The following WDR70 variants were observed in gnomAD, a reference collection of about 807,000 sequenced individuals.
The protein encoded by WDR70 is WD repeat-containing protein 70.
WDR70 carries 53 observed loss-of-function variants against 88.6 expected under a neutral mutation model. The observed-to-expected ratio is 0.60, with a 90% CI of 0.48 to 0.75. WDR70 has a LOEUF of 0.75. Ranked by LOEUF, WDR70 falls within the 30% of genes least tolerant of loss-of-function variation. The pLI is 0.00. For synonymous variants in WDR70, 280 were observed against 270.0 expected (o/e 1.04, Z -0.36); for missense variants, 610 against 823.2 (o/e 0.74, Z 3.17).
intron 7 of WDR70, among the ~76,000 whole-genome samples, chr5:37,445,925 G>A (rs561859136): frequency 1.2e-3 from 181 of 152,234 alleles, no homozygotes; most frequent in African/African-American, 4.1e-3. Context: ...ACATAGTGTC[G>A]GAAGTTCTGG....
intron 10 of WDR70, among the ~76,000 whole-genome samples, chr5:37,624,108 A>G (rs375711518): frequency 2.6e-5 from 4 of 152,160 alleles, no homozygotes; most frequent in East Asian, 1.9e-4. Context: ...ATTGTTAACT[A>G]TAGTCATTCT....
At chr5:37,750,497 G>A (rs1034977020) in intron 17 of WDR70, among the ~76,000 whole-genome samples, 1 of 152,176 alleles carries the variant, frequency 6.6e-6, no homozygotes, top group African/African-American at 2.4e-5. Context: ...TTGTGCCACT[G>A]CACTCTAGCC....
At chr5:37,594,436 C>T (rs1743638554) in intron 9 of WDR70, among the ~76,000 whole-genome samples, 2 of 152,118 alleles carry the variant, frequency 1.3e-5, no homozygotes, top group Admixed American at 6.6e-5. Context: ...TCAGGTTTGT[C>T]AAAGATCAGA....
intron 16 of WDR70, among the ~76,000 whole-genome samples, chr5:37,726,147 T>C (rs1023729178): frequency 3.3e-5 from 5 of 152,210 alleles, no homozygotes; most frequent in African/African-American, 1.2e-4. Flanking sequence ...CACCTGAGCC[T>C]GAAGTGCTAT....
chr5:37,479,105 T>G (rs1739575454), intron 7 of WDR70, among the ~76,000 whole-genome samples: 1 of 152,066 alleles, frequency 6.6e-6, no homozygotes, highest in Non-Finnish European at 1.5e-5. Context: ...TTCCATGGAC[T>G]GGAAGAGGTT....
At chr5:37,550,998 A>G (rs950876954) in intron 9 of WDR70, among the ~76,000 whole-genome samples, 1 of 152,212 alleles carries the variant, frequency 6.6e-6, no homozygotes, top group Non-Finnish European at 1.5e-5. Flanking sequence ...ATCAACAAAC[A>G]AGCAAAAGAA....
chr5:37,447,999 T>C (rs887988050), intron 7 of WDR70, among the ~76,000 whole-genome samples: 1 of 152,164 alleles, frequency 6.6e-6, no homozygotes, highest in Non-Finnish European at 1.5e-5. Flanking sequence ...CCCTGAAATA[T>C]AGTTACTACT....
chr5:37,496,201 G>C (rs1314309000), intron 8 of WDR70, among the ~76,000 whole-genome samples: 1 of 152,204 alleles, frequency 6.6e-6, no homozygotes, highest in African/African-American at 2.4e-5. Context: ...CAGGATGTGG[G>C]CAGGGCCAAA....
At chr5:37,694,310 A>G (rs1373219037) in intron 10 of WDR70, among the ~76,000 whole-genome samples, 1 of 152,196 alleles carries the variant, frequency 6.6e-6, no homozygotes, top group Non-Finnish European at 1.5e-5. Context: ...AGGGCCTAGA[A>G]CTAGAAATAC....
At chr5:37,605,788 T>C (rs1368067769) in intron 10 of WDR70, among the ~76,000 whole-genome samples, 1 of 152,204 alleles carries the variant, frequency 6.6e-6, no homozygotes, top group Non-Finnish European at 1.5e-5. Flanking sequence ...TTGGAAGGAA[T>C]GATAGAATCC....
intron 16 of WDR70, among the ~76,000 whole-genome samples, 171 bp from the exon 17 acceptor site, chr5:37,726,712 A>T (rs1747980737): frequency 6.6e-6 from 1 of 152,184 alleles, no homozygotes; most frequent in Admixed American, 6.5e-5. Flanking sequence ...TGCTATCGGG[A>T]AGTTGAGGTT....
intron 8 of WDR70, among the ~76,000 whole-genome samples, chr5:37,483,358 C>T (rs1220635257): frequency 6.6e-6 from 1 of 151,920 alleles, no homozygotes; most frequent in African/African-American, 2.4e-5. Flanking sequence ...TCTTGCACCG[C>T]CCTTAATCCA....
intron 17 of WDR70, among the ~76,000 whole-genome samples, chr5:37,733,715 C>T (rs750014681): frequency 2.0e-5 from 3 of 151,800 alleles, no homozygotes; most frequent in Non-Finnish European, 4.4e-5. Context: ...ACCTCCCCCT[C>T]AAAAATTAAT....
At chr5:37,687,444 G>A (rs1746643045) in intron 10 of WDR70, among the ~76,000 whole-genome samples, 2 of 152,170 alleles carry the variant, frequency 1.3e-5, no homozygotes, top group South Asian at 4.1e-4. Flanking sequence ...ACTTTAAAGA[G>A]GTGTTGCAAT....
intron 8 of WDR70, among the ~76,000 whole-genome samples, chr5:37,514,356 A>ATATATATATATATGTATGTATG (rs771375976): frequency 1.8e-5 from 1 of 54,372 alleles, no homozygotes; most frequent in African/African-American, 3.9e-5. Flanking sequence ...ATATATATAT[A>ATATATATATATATGTATGTATG]TATGTATGTA....
At chr5:37,618,119 A>G (rs533036641) in intron 10 of WDR70, among the ~76,000 whole-genome samples, 1 of 152,348 alleles carries the variant, frequency 6.6e-6, no homozygotes, top group African/African-American at 2.4e-5. Flanking sequence ...GTGTATTGAC[A>G]TTTAGGACAG....
intron 10 of WDR70, among the ~76,000 whole-genome samples, chr5:37,639,562 T>G (rs903088524): frequency 4.6e-5 from 7 of 152,190 alleles, no homozygotes; most frequent in Non-Finnish European, 1.0e-4. Flanking sequence ...TTAAGCTCTT[T>G]CTGGTCTAAG....
intron 9 of WDR70, among the ~76,000 whole-genome samples, chr5:37,562,364 A>C (rs1307719043): frequency 1.3e-5 from 2 of 151,588 alleles, no homozygotes; most frequent in South Asian, 4.2e-4. Context: ...TCTCAAAAGA[A>C]AAAAAAAAGT....
At chr5:37,709,772 G>A (rs1159192241) in intron 13 of WDR70, among the ~76,000 whole-genome samples, 1 of 146,412 alleles carries the variant, frequency 6.8e-6, no homozygotes, top group Non-Finnish European at 1.5e-5. Flanking sequence ...AGAGATGCCA[G>A]TGGAATATGG....
Sources: allele counts gnomAD v4.1 joint callset (sites outside exome capture counted in the v4.1 genomes callset), GRCh38; gene constraint gnomAD v4.1.1; transcripts MANE v1.5; gene names NCBI Gene and HGNC (gene_info 2026-07-23, HGNC 2026-07-21).